Variants in RSPH14 observed in about 807,000 individuals in gnomAD.
RSPH14 encodes the protein radial spoke head 14 homolog.
In RSPH14, 20 loss-of-function variants were observed where a neutral mutation model predicts 26.7. The ratio of observed to expected loss-of-function variants is 0.75; its 90% CI spans 0.53 to 1.09. The LOEUF is 1.09. Among genes scored for constraint, RSPH14 ranks in the 50% least tolerant of loss-of-function variants. The probability of loss-of-function intolerance (pLI) is 0.00; values close to 1 mark genes in which losing one functional copy is unlikely to be tolerated. For synonymous variants in RSPH14, 177 were observed against 189.3 expected (o/e 0.93, Z 0.53); for missense variants, 449 against 457.2 (o/e 0.98, Z 0.16).
intron 4 of RSPH14, chr22:23,124,225 T>C (rs1044529306): frequency 6.0e-6 from 1 of 165,704 alleles, no homozygotes; most frequent in Non-Finnish European, 1.4e-5. Flanking sequence ...TTTTTTTTTT[T>C]TTTTGGCCAA....
At chr22:23,104,103 G>A (rs2069386898) in intron 4 of RSPH14, among the ~76,000 whole-genome samples, 1 of 151,980 alleles carries the variant, frequency 6.6e-6, no homozygotes, top group Non-Finnish European at 1.5e-5. Flanking sequence ...TCCAGTCAAG[G>A]CTGTGGGGGA....
chr22:23,061,338 G>A (rs1382091292), intron 6 of RSPH14, among the ~76,000 whole-genome samples: 1 of 152,172 alleles, frequency 6.6e-6, no homozygotes, highest in Non-Finnish European at 1.5e-5. Context: ...CTGACTGGCT[G>A]GGAGTCCCAA....
At chr22:23,095,958 T>C in intron 4 of RSPH14, 1 of 1,612,154 alleles carries the variant, frequency 6.2e-7, no homozygotes. Context: ...ATCCGGGCCC[T>C]GGCCGCCCTC....
the RSPH14 span, among the ~76,000 whole-genome samples, chr22:23,158,433 C>T: frequency 6.6e-6 from 1 of 152,216 alleles, no homozygotes; most frequent in Non-Finnish European, 1.5e-5. Context: ...GAATTTGGCA[C>T]TTGCAGTCTT....
chr22:23,130,091 GAA>G (rs763876311), intron 4 of RSPH14, among the ~76,000 whole-genome samples: 18 of 28,042 alleles, frequency 6.4e-4, no homozygotes, highest in African/African-American at 1.6e-3. Context: ...AAGGAAGAAA[GAA>G]AGAAAGAAAG....
chr22:23,098,390 C>T (rs1054424619), intron 4 of RSPH14, among the ~76,000 whole-genome samples: 28 of 152,246 alleles, frequency 1.8e-4, no homozygotes, highest in African/African-American at 6.8e-4. Flanking sequence ...GGGGCAGGCC[C>T]TAGATGGGCT....
At chr22:23,167,496 AGAG>A in the RSPH14 span, among the ~76,000 whole-genome samples, 1 of 151,990 alleles carries the variant, frequency 6.6e-6, no homozygotes. Flanking sequence ...TCTGGAGTGG[AGAG>A]GAGGCCAGCA....
chr22:23,131,163 T>G (rs1262002462), intron 4 of RSPH14: 1 of 158,060 alleles, frequency 6.3e-6, no homozygotes, highest in East Asian at 1.8e-4. Context: ...ATACAGCCAG[T>G]GGCGCAACAT....
At chr22:23,178,550 C>A in the RSPH14 span, among the ~76,000 whole-genome samples, 1 of 152,184 alleles carries the variant, frequency 6.6e-6, no homozygotes, top group African/African-American at 2.4e-5. Context: ...TATTTGCAGC[C>A]TGATGGGAAG....
intron 4 of RSPH14, among the ~76,000 whole-genome samples, chr22:23,110,645 C>A (rs2069617817): frequency 6.6e-6 from 1 of 152,272 alleles, no homozygotes; most frequent in Non-Finnish European, 1.5e-5. Context: ...TGCCCCAGCT[C>A]AAGGGTCAGC....
At chr22:23,089,909 AG>A (rs1307913627) in intron 4 of RSPH14, among the ~76,000 whole-genome samples, 8 of 152,152 alleles carry the variant, frequency 5.3e-5, no homozygotes, top group Non-Finnish European at 1.0e-4. Context: ...GGGAGGAGGC[AG>A]GCAGGTGCAG....
At chr22:23,065,842 T>C (rs2068198716) in intron 4 of RSPH14, among the ~76,000 whole-genome samples, 1 of 152,246 alleles carries the variant, frequency 6.6e-6, no homozygotes, top group South Asian at 2.1e-4. Flanking sequence ...AGGAGTAGGA[T>C]ACAAGACAAA....
At position 23,067,223 on chromosome 22, in the gene RSPH14, T is replaced by C. The variant is rs183570056; in HGVS notation, c.422-3090A>G. ...GGTGGAGTCTGGGTCATTTTCTTTG[T>C]GGTGGGGCAGGGCGGGTGCTGACAC... On this transcript the variant is annotated intron_variant, in intron 4 of 6. Transcript: ENST00000216036. Among the ~76,000 whole-genome samples, 236 of 152,140 alleles carry C rather than the reference T, an allele frequency of 1.6e-3. 6 individuals are homozygous for C. In the South Asian group the frequency reaches 0.04, roughly 26 times the overall value.
chr22:23,096,193 T>A, intron 4 of RSPH14: 1 of 1,613,530 alleles, frequency 6.2e-7, no homozygotes, highest in Non-Finnish European at 8.5e-7. Flanking sequence ...TCGCCGCAGC[T>A]GACTATATCC....
At chr22:23,141,023 G>A (rs956748971) in intron 1 of RSPH14, among the ~76,000 whole-genome samples, 6 of 152,104 alleles carry the variant, frequency 3.9e-5, no homozygotes, top group Admixed American at 3.9e-4. Context: ...CCATGAAAAG[G>A]AATTAATGTT....
rs762667160 is a variant in RSPH14, at chr22:23,140,382, G to A, written c.39C>T (p.Asn13=). 3.7e-6 allele frequency: 6 copies of A among 1,614,220 alleles called. No homozygotes were observed. In the South Asian group the frequency reaches 4.4e-5, roughly 12 times the overall value. ...HSQNSLELPI[N]INATQITTAY... ...CAGTGGTAATCTGGGTGGCATTGAT[G>A]TTAATGGGAAGCTCCAAGGAGTTCT... Residue 13 remains asparagine (N), a synonymous_variant, in exon 2 of 7, where the codon AAC becomes AAT. Transcript: ENST00000216036.
chr22:23,096,464 G>A (rs2069126879), intron 4 of RSPH14: 2 of 1,555,172 alleles, frequency 1.3e-6, no homozygotes, highest in African/African-American at 1.4e-5. Context: ...TGCTGTCGTG[G>A]GTTCCTGGAA....
At chr22:23,130,084 G>GAAAGAGA in intron 4 of RSPH14, among the ~76,000 whole-genome samples, 1 of 51,830 alleles carries the variant, frequency 1.9e-5, no homozygotes, top group Middle Eastern at 9.6e-3. Context: ...AGAAAGAAAG[G>GAAAGAGA]AAGAAAGAAA....
intron 4 of RSPH14, among the ~76,000 whole-genome samples, chr22:23,118,045 C>G (rs888991768): frequency 2.0e-5 from 3 of 152,230 alleles, no homozygotes; most frequent in Non-Finnish European, 4.4e-5. Flanking sequence ...GCTGGAAGCC[C>G]CTTAGGGATG....
Sources: gnomAD v4.1 joint callset for allele counts (sites outside exome capture counted in the v4.1 genomes callset) on GRCh38, gnomAD v4.1.1 for gene constraint, MANE v1.5 for transcripts, NCBI Gene and HGNC (gene_info 2026-07-23, HGNC 2026-07-21) for gene names.